The following CLCN5 variants were observed in gnomAD, a reference collection of about 807,000 sequenced individuals.
CLCN5 encodes the protein H(+)/Cl(-) exchange transporter 5.
In CLCN5, 17 loss-of-function variants were observed where a neutral mutation model predicts 54.0. That is an observed-to-expected ratio of 0.31 (90% CI 0.22 to 0.47). The LOEUF (loss-of-function observed/expected upper bound fraction) is 0.47. Ranked by LOEUF, CLCN5 falls within the 20% of genes least tolerant of loss-of-function variation. CLCN5 has a pLI of 1.00. For synonymous variants in CLCN5, 222 were observed against 233.0 expected, an observed-to-expected ratio of 0.95 and a Z score of 0.43; for missense variants, 448 against 646.7, an observed-to-expected ratio of 0.69 and a Z score of 3.33.
chrX:50,086,963 TG>T, intron 11 of CLCN5, 93 bp downstream of exon 11: 1 of 845,861 alleles, frequency 1.2e-6, no homozygotes, highest in Non-Finnish European at 1.7e-6. Flanking sequence ...ATAGCTCATA[TG>T]GTGCTTTCAA....
intron 3 of CLCN5, among the ~76,000 whole-genome samples, chrX:49,999,783 C>T (rs1929709666): frequency 9.0e-6 from 1 of 111,522 alleles, no homozygotes; most frequent in South Asian, 3.7e-4. Flanking sequence ...CTGATACCTG[C>T]GGAATAGAAT....
intron 4 of CLCN5, among the ~76,000 whole-genome samples, chrX:50,058,492 A>G (rs1932801741): frequency 9.0e-6 from 1 of 111,506 alleles, no homozygotes; most frequent in African/African-American, 3.3e-5. Flanking sequence ...TAGAAAAAAA[A>G]ATTAGACAGT....
At chrX:50,089,396 T>C (rs145998612) in intron 12 of CLCN5, among the ~76,000 whole-genome samples, 1,162 of 112,331 alleles carry the variant, frequency 0.01, 7 homozygotes, top group Non-Finnish European at 0.015. Context: ...ATAATGTGAG[T>C]TCACTCATTT....
intron 3 of CLCN5, among the ~76,000 whole-genome samples, chrX:49,996,224 C>T (rs782557089): frequency 2.9e-4 from 33 of 112,218 alleles, no homozygotes; most frequent in African/African-American, 9.7e-4. Flanking sequence ...CTTCATAAAA[C>T]ACCACATAGG....
At chrX:50,074,868 C>A (rs781928342) in intron 6 of CLCN5, among the ~76,000 whole-genome samples, 5 of 111,422 alleles carry the variant, frequency 4.5e-5, no homozygotes, top group Non-Finnish European at 7.5e-5. Flanking sequence ...TTACTATTTC[C>A]CTAAAGCATG....
At chrX:50,018,578 T>C (rs1358345630) in intron 3 of CLCN5, among the ~76,000 whole-genome samples, 1 of 111,911 alleles carries the variant, frequency 8.9e-6, no homozygotes, top group Non-Finnish European at 1.9e-5. Context: ...CAATTAAATG[T>C]TAGCTGTAGG....
chrX:49,996,897 T>G (rs1427238522), intron 3 of CLCN5, among the ~76,000 whole-genome samples: 2 of 111,934 alleles, frequency 1.8e-5, no homozygotes, highest in Non-Finnish European at 3.8e-5. Context: ...TGTGGCCTCC[T>G]TAGGTAGTAA....
chrX:50,092,282 C>T lies in CLCN5; in HGVS notation c.*63C>T, dbSNP rs1934130479. 1 of 779,936 alleles carries T rather than the reference C, an allele frequency of 1.3e-6. No homozygotes were observed. The highest frequency in any genetic ancestry group is 2.0e-6 in the Non-Finnish European group (1 of 505,628). The allele number at this position is 779,936 out of a possible 1,213,427, so 64.3% of individuals were successfully genotyped here. A position where few individuals can be genotyped will look rare whatever the true frequency, so the allele number is the denominator to read the frequency against. On this transcript the variant is annotated 3_prime_UTR_variant, in exon 15 of 15. Coordinates refer to ENST00000376091, the MANE Select transcript of CLCN5 (RefSeq NM_001127898.4). ...ACAGACCATGGATATGTTGTATTAA[C>T]TGGGTACCCAAAACACATTTTCCAT...
At chrX:50,079,289 C>G (rs1445883712) in intron 7 of CLCN5, among the ~76,000 whole-genome samples, 1 of 111,882 alleles carries the variant, frequency 8.9e-6, no homozygotes, top group Non-Finnish European at 1.9e-5. Context: ...AAACCTGTGT[C>G]AAATTTACAA....
At chrX:50,034,224 G>A (rs781936981) in intron 3 of CLCN5, among the ~76,000 whole-genome samples, 3 of 112,214 alleles carry the variant, frequency 2.7e-5, no homozygotes, top group Non-Finnish European at 5.6e-5. Flanking sequence ...AGGCACTTGG[G>A]AGCACAGATT....
chrX:50,016,551 A>G (rs782642595), intron 3 of CLCN5, among the ~76,000 whole-genome samples: 1 of 109,436 alleles, frequency 9.1e-6, no homozygotes, highest in South Asian at 3.9e-4. Context: ...AATGTATTAT[A>G]ACTATTATTA....
At position 50,092,156 on chromosome X, in the gene CLCN5, G is replaced by T; in HGVS notation, c.2388G>T (p.Lys796Asn). The T allele has an allele frequency of 8.3e-7, 1 of 1,205,405 alleles. No homozygotes were observed. The highest frequency in any genetic ancestry group is 3.0e-5 in the East Asian group (1 of 33,826). The change falls in exon 15 of 15, where the codon AAG becomes AAT. Residue 796 changes from lysine (K) to asparagine (N), a missense_variant. By Grantham distance (94) the Lys-to-Asn change is moderately conservative. Around this residue, in one of 5 missense-constraint regions of CLCN5, gnomAD observed 297 missense variants for 470.4 expected, o/e 0.63. Coordinates refer to ENST00000376091, the MANE Select transcript of CLCN5 (RefSeq NM_001127898.4). ...GATTGCTTGGAATCATTACCAAAAA[G>T]GATGTGTTAAAGCATATAGCACAGA... ...NGRLLGIITK[K>N]DVLKHIAQMA...
At chrX:49,983,877 C>G (rs1928862756) in intron 3 of CLCN5, among the ~76,000 whole-genome samples, 1 of 109,550 alleles carries the variant, frequency 9.1e-6, no homozygotes, top group South Asian at 3.8e-4. Flanking sequence ...TATCAAACAT[C>G]TTGGCCTTTT....
intron 3 of CLCN5, among the ~76,000 whole-genome samples, chrX:49,944,212 T>C (rs781975177): frequency 6.6e-4 from 74 of 111,766 alleles, no homozygotes; most frequent in African/African-American, 2.1e-3. Flanking sequence ...GTTGGTCTGT[T>C]ATTGGTGTAT....
rs186252395 is a variant in CLCN5 at position 49,944,519 on chromosome X, C to T, written c.16+19205C>T. Among the ~76,000 whole-genome samples the T allele has an allele frequency of 4.3e-4, 48 of 111,863 alleles. 1 individual carries two copies. In the East Asian group the frequency reaches 7.8e-3, roughly 18 times the overall value. On this transcript the variant is annotated intron_variant, in intron 3 of 14. Transcript: ENST00000376091. Reference sequence around the variant, plus strand: ...GGAATGCTTCCAGTTTTTGCCCATTCAGTATGATATTGGCTGTGGGTTTCT... The same window carrying T: ...GGAATGCTTCCAGTTTTTGCCCATTTAGTATGATATTGGCTGTGGGTTTCT...
At chrX:50,041,844 A>C (rs782697185) in intron 3 of CLCN5, among the ~76,000 whole-genome samples, 104 of 112,209 alleles carry the variant, frequency 9.3e-4, no homozygotes, top group African/African-American at 3.3e-3. Context: ...GTGCCAACCC[A>C]AAAGGTGAAG....
chrX:50,053,723 T>C (rs1384243704), intron 4 of CLCN5, among the ~76,000 whole-genome samples: 2 of 112,205 alleles, frequency 1.8e-5, no homozygotes, highest in Non-Finnish European at 3.8e-5. Flanking sequence ...TTTTCATTTA[T>C]TTCAAAATAT....
At chrX:49,974,351 C>G (rs1002216162) in intron 3 of CLCN5, among the ~76,000 whole-genome samples, 1 of 110,731 alleles carries the variant, frequency 9.0e-6, no homozygotes, top group African/African-American at 3.3e-5. Flanking sequence ...TTTTCACCTT[C>G]CATGTTATTC....
chrX:50,043,634 G>C (rs782527907), intron 4 of CLCN5, among the ~76,000 whole-genome samples: 1 of 111,225 alleles, frequency 9.0e-6, no homozygotes, highest in Non-Finnish European at 1.9e-5. Flanking sequence ...CTGATTATTT[G>C]TTTTTATTTC....
Sources: allele counts gnomAD v4.1 joint callset (sites outside exome capture counted in the v4.1 genomes callset), GRCh38; gene constraint gnomAD v4.1.1; regional missense constraint gnomAD v4.1.1; transcripts MANE v1.5; gene names NCBI Gene and HGNC (gene_info 2026-07-23, HGNC 2026-07-21).